Variants in SFMBT1 observed in about 807,000 individuals in gnomAD.
The protein encoded by SFMBT1 is scm-like with four MBT domains protein 1.
A neutral mutation model predicts 108.7 loss-of-function variants in SFMBT1; 32 were observed. The observed-to-expected ratio is 0.29, with a 90% confidence interval of 0.22 to 0.40. The LOEUF is 0.40. Ranked by LOEUF, SFMBT1 falls within the 10% of genes least tolerant of loss-of-function variation. The pLI, the probability that SFMBT1 is intolerant of heterozygous loss-of-function variation, is 1.00. For synonymous variants in SFMBT1, 348 were observed against 369.5 expected, an observed-to-expected ratio of 0.94 and a Z score of 0.67; for missense variants, 816 against 1,059.6, an observed-to-expected ratio of 0.77 and a Z score of 3.19.
intron 1 of SFMBT1, among the ~76,000 whole-genome samples, chr3:53,023,632 G>A (rs1699386522): frequency 1.3e-5 from 2 of 152,208 alleles, no homozygotes; most frequent in South Asian, 4.1e-4. Flanking sequence ...CCCCCCGTCA[G>A]CTGTGCTCCC....
At chr3:53,014,196 A>G in intron 1 of SFMBT1, among the ~76,000 whole-genome samples, 1 of 152,308 alleles carries the variant, frequency 6.6e-6, no homozygotes, top group Non-Finnish European at 1.5e-5. Context: ...AAAATAAAAT[A>G]TTTACATGTA....
In SFMBT1 at chr3:53,020,461, T is replaced by C. The variant is rs528120958; in HGVS notation, c.-131+25355A>G. On this transcript the variant is annotated intron_variant, in intron 1 of 20. Transcript: ENST00000394752. ...AGGAAAAAAGAGACTTTTCACTCTATTGAACACATCCCCATCTTATTTTCT... is the reference window on the plus strand; with the variant it reads ...AGGAAAAAAGAGACTTTTCACTCTACTGAACACATCCCCATCTTATTTTCT... Among the ~76,000 whole-genome samples the C allele has an allele frequency of 1.5e-3, 227 of 152,286 alleles. 2 individuals are homozygous for C. The highest frequency in any genetic ancestry group is 3.4e-3 in the Middle Eastern group (1 of 294).
At chr3:52,955,272 G>T (rs1481319933) in intron 2 of SFMBT1, among the ~76,000 whole-genome samples, 2 of 151,976 alleles carry the variant, frequency 1.3e-5, no homozygotes, top group African/African-American at 2.4e-5. Flanking sequence ...AATTAGCCAG[G>T]CATGGTGGCA....
intron 2 of SFMBT1, among the ~76,000 whole-genome samples, chr3:52,966,735 G>C (rs1475972698): frequency 1.3e-5 from 2 of 150,640 alleles, no homozygotes; most frequent in African/African-American, 4.9e-5. Flanking sequence ...AACATAAAGA[G>C]TAAAAATACT....
intron 3 of SFMBT1, among the ~76,000 whole-genome samples, chr3:52,951,312 C>T (rs367737133): frequency 6.6e-6 from 1 of 151,346 alleles, no homozygotes; most frequent in African/African-American, 2.4e-5. Flanking sequence ...AGCTGTGTAT[C>T]AAGCAAAATT....
At chr3:52,961,493 A>G (rs370715177) in intron 2 of SFMBT1, among the ~76,000 whole-genome samples, 1 of 151,066 alleles carries the variant, frequency 6.6e-6, no homozygotes. Flanking sequence ...TCAAGACTGT[A>G]GTGTACATGA....
chr3:52,935,512 C>T (rs1559517254), intron 4 of SFMBT1, among the ~76,000 whole-genome samples: 1 of 152,192 alleles, frequency 6.6e-6, no homozygotes, highest in Non-Finnish European at 1.5e-5. Context: ...CAATGCCTGG[C>T]TTATACCCTC....
chr3:53,016,157 G>T (rs2564963), intron 1 of SFMBT1, among the ~76,000 whole-genome samples: 3 of 149,598 alleles, frequency 2.0e-5, no homozygotes, highest in Non-Finnish European at 3.0e-5. Flanking sequence ...AGGACAAAGT[G>T]AAAAAAAAAA....
intron 14 of SFMBT1, among the ~76,000 whole-genome samples, chr3:52,915,830 TA>T (rs1301250309): frequency 6.6e-6 from 1 of 152,210 alleles, no homozygotes; most frequent in Non-Finnish European, 1.5e-5. Flanking sequence ...CCATCTAGCT[TA>T]AGAAAGAACA....
Position 52,904,992 on chromosome 3 carries a change from C to A in SFMBT1, c.*144G>T. On this transcript the variant is annotated 3_prime_UTR_variant, in exon 21 of 21. Transcript: ENST00000394752. ...CAGTTTTTGCTTCCTCACTGTGAGT[C>A]CTCCTTCCCCGAAAGTGCAAAGAGA... is the stretch of plus-strand genomic sequence containing the variant. 9.1e-7 allele frequency: 1 copy of A among 1,104,086 alleles called. No homozygotes were observed. The highest frequency in any genetic ancestry group is 1.6e-5 in the African/African-American group (1 of 61,940). 68.4% of individuals were successfully genotyped at this position (1,104,086 alleles called of 1,614,324 possible). A position where few individuals can be genotyped will look rare whatever the true frequency, so the allele number is the denominator to read the frequency against.
intron 5 of SFMBT1, among the ~76,000 whole-genome samples, chr3:52,933,133 T>C (rs753315441): frequency 3.2e-4 from 48 of 152,242 alleles, no homozygotes; most frequent in Non-Finnish European, 6.3e-4. Context: ...AAACACTGTA[T>C]ACTGTTTCTT....
chr3:53,043,970 T>C (rs1372600832), intron 1 of SFMBT1, among the ~76,000 whole-genome samples: 2 of 152,174 alleles, frequency 1.3e-5, no homozygotes, highest in South Asian at 2.1e-4. Flanking sequence ...GTTTACTGAA[T>C]GGAAAGGATA....
intron 4 of SFMBT1, among the ~76,000 whole-genome samples, chr3:52,942,239 T>G (rs1207467004): frequency 6.6e-6 from 1 of 152,248 alleles, no homozygotes; most frequent in Non-Finnish European, 1.5e-5. Flanking sequence ...TTTTCATATT[T>G]TACTGTAACA....
chr3:53,016,310 C>T (rs938712675), intron 1 of SFMBT1, among the ~76,000 whole-genome samples: 3 of 152,160 alleles, frequency 2.0e-5, no homozygotes, highest in African/African-American at 7.2e-5. Context: ...GATTGCGGTG[C>T]GAACCTCCAG....
intron 4 of SFMBT1, among the ~76,000 whole-genome samples, chr3:52,941,916 C>T (rs1031234880): frequency 3.3e-5 from 5 of 151,908 alleles, no homozygotes; most frequent in African/African-American, 7.2e-5. Context: ...TAAAATAGAA[C>T]GAAATTATCT....
chr3:52,996,234 CAG>C (rs200718480), intron 1 of SFMBT1, among the ~76,000 whole-genome samples: 1,565 of 89,504 alleles, frequency 0.017, 52 homozygotes, highest in African/African-American at 0.066. Context: ...TTTTTTGAGA[CAG>C]GGTCTCCCTC....
chr3:53,022,280 T>C (rs956394182), intron 1 of SFMBT1, among the ~76,000 whole-genome samples: 2 of 151,718 alleles, frequency 1.3e-5, no homozygotes, highest in African/African-American at 2.4e-5. Flanking sequence ...TGAAACCCCA[T>C]CTCTAGTAAA....
chr3:52,914,758 C>CA (rs1204188816), intron 14 of SFMBT1, among the ~76,000 whole-genome samples: 5 of 152,066 alleles, frequency 3.3e-5, no homozygotes, highest in Non-Finnish European at 4.4e-5. Context: ...CAAAACAAAA[C>CA]AAAAAAACGA....
intron 1 of SFMBT1, among the ~76,000 whole-genome samples, chr3:53,012,654 T>G (rs1575438296): frequency 6.6e-6 from 1 of 151,394 alleles, no homozygotes; most frequent in South Asian, 2.1e-4. Context: ...CGCCCGCCTC[T>G]GCCTCCCAAA....
Sources: allele counts gnomAD v4.1 joint callset (sites outside exome capture counted in the v4.1 genomes callset), GRCh38; gene constraint gnomAD v4.1.1; transcripts MANE v1.5; gene names NCBI Gene and HGNC (gene_info 2026-07-23, HGNC 2026-07-21).